BCAS3: variants seen among roughly 807,000 people sequenced by gnomAD.
BCAS3 encodes BCAS4/BCAS3 fusion.
A neutral mutation model predicts 116.1 loss-of-function variants in BCAS3; 53 were observed. The observed-to-expected ratio is 0.46, with a 90% CI of 0.37 to 0.57. BCAS3 has a LOEUF of 0.57. Ranked by LOEUF, BCAS3 falls within the 20% of genes least tolerant of loss-of-function variation. The pLI, the probability that BCAS3 is intolerant of heterozygous loss-of-function variation, is 0.00. For synonymous variants in BCAS3, 391 were observed against 408.2 expected (o/e 0.96, Z 0.51); for missense variants, 917 against 1,165.4 (o/e 0.79, Z 3.10).
chr17:60,902,720 T>C lies in BCAS3; in HGVS notation c.822+17T>C. 1.3e-6 allele frequency: 2 copies of C among 1,552,746 alleles called. No homozygotes were observed. Among genetic ancestry groups the C allele is most frequent in the South Asian group, 1.1e-5 (1 of 89,478 alleles). ...GCTGCTAAAGTGAGTACCTCCGAAATCTTGGAGAGTTGTGGTTATGTGTAG... is the reference window on the plus strand; with the variant it reads ...GCTGCTAAAGTGAGTACCTCCGAAACCTTGGAGAGTTGTGGTTATGTGTAG... On this transcript the variant is annotated intron_variant, in intron 11 of 23. Coordinates refer to ENST00000407086, the MANE Select transcript of BCAS3 (RefSeq NM_017679.5).
At chr17:60,936,006 C>A (rs963551910) in intron 13 of BCAS3, among the ~76,000 whole-genome samples, 11 of 151,898 alleles carry the variant, frequency 7.2e-5, no homozygotes, top group African/African-American at 1.9e-4. Flanking sequence ...ATCCCTCCCC[C>A]CTTCCCCCCA....
chr17:61,231,906 CAAAG>C (rs1465691176), intron 22 of BCAS3, among the ~76,000 whole-genome samples: 4 of 137,098 alleles, frequency 2.9e-5, no homozygotes, highest in Non-Finnish European at 6.3e-5. Flanking sequence ...AAGAAGGAAA[CAAAG>C]AAAGAAGGAA....
At chr17:61,059,061 A>ATTTTTTTTT (rs1665097071) in intron 19 of BCAS3, among the ~76,000 whole-genome samples, 2 of 35,834 alleles carry the variant, frequency 5.6e-5, no homozygotes, top group Non-Finnish European at 1.3e-4. Flanking sequence ...TTTTCTCCCC[A>ATTTTTTTTT]TCTTTTTTTT....
At chr17:60,975,766 A>G (rs1230769448) in intron 14 of BCAS3, among the ~76,000 whole-genome samples, 1 of 152,076 alleles carries the variant, frequency 6.6e-6, no homozygotes, top group Non-Finnish European at 1.5e-5. Flanking sequence ...TATTTTATAC[A>G]TTTCATATAA....
intron 23 of BCAS3, among the ~76,000 whole-genome samples, chr17:61,375,246 G>GTGTGTGTGTGCGCGCGCGCGCACA (rs150061118): frequency 1.9e-4 from 28 of 150,778 alleles, no homozygotes; most frequent in African/African-American, 7.0e-4. Context: ...GTGTGTGTGT[G>GTGTGTGTGTGCGCGCGCGCGCACA]TGTGTGTGTA....
intron 15 of BCAS3, among the ~76,000 whole-genome samples, chr17:61,014,634 G>A (rs1325808514): frequency 6.6e-6 from 1 of 151,816 alleles, no homozygotes; most frequent in Non-Finnish European, 1.5e-5. Flanking sequence ...GAAGTTCTAG[G>A]TAGGTCAGTG....
At chr17:60,996,250 C>T (rs577865766) in intron 15 of BCAS3, among the ~76,000 whole-genome samples, 12 of 152,130 alleles carry the variant, frequency 7.9e-5, no homozygotes, top group South Asian at 4.2e-4. Context: ...ACAGTCTGTA[C>T]GTGGACATGG....
intron 13 of BCAS3, among the ~76,000 whole-genome samples, chr17:60,928,150 T>C (rs1017868369): frequency 2.6e-5 from 4 of 152,144 alleles, no homozygotes; most frequent in African/African-American, 9.7e-5. Context: ...TCCCTATGCA[T>C]AGAGTCTGCT....
intron 7 of BCAS3, among the ~76,000 whole-genome samples, chr17:60,866,089 A>T (rs922734043): frequency 6.6e-6 from 1 of 152,108 alleles, no homozygotes; most frequent in Non-Finnish European, 1.5e-5. Flanking sequence ...GCATTCCTGC[A>T]ATAAAGTTCA....
chr17:61,287,296 T>C (rs985591725), intron 22 of BCAS3, among the ~76,000 whole-genome samples: 7 of 150,500 alleles, frequency 4.7e-5, no homozygotes, highest in African/African-American at 9.8e-5. Flanking sequence ...TAGAGATAAA[T>C]GAGAACCAAA....
In BCAS3 at chr17:61,065,571, A is replaced by G. The variant is rs1200986777; in HGVS notation, c.2030-9349A>G. ...AACTGCAAATTTCTCTGTTGCTAGA[A>G]AAAGGAATGTTGTTCCTCTAAATAA... On this transcript the variant is annotated intron_variant, in intron 19 of 23. Coordinates refer to ENST00000407086, the MANE Select transcript of BCAS3 (RefSeq NM_017679.5). The surrounding 1 kb of genome is among the most constrained non-coding windows in gnomAD (Gnocchi z 4.8). 1.3e-5 allele frequency among the ~76,000 whole-genome samples: 2 copies of G among 152,338 alleles called. No individual in the cohort carries two copies. The highest frequency in any genetic ancestry group is 3.8e-4 in the East Asian group (2 of 5,196).
intron 13 of BCAS3, among the ~76,000 whole-genome samples, chr17:60,925,258 A>G (rs1204645056): frequency 1.3e-5 from 2 of 152,038 alleles, no homozygotes; most frequent in South Asian, 2.1e-4. Flanking sequence ...CTGGATATCT[A>G]TCTGTTTAAC....
rs2067004015 is a variant in BCAS3, at chr17:61,036,039, C to T, written c.1762+1249C>T. ...GTAGTTATTATCTTTCTAATCCCTG[C>T]TTTGATCACCAGGGTCAATACCTAA... On this transcript the variant is annotated intron_variant, in intron 17 of 23. Coordinates refer to ENST00000407086, the MANE Select transcript of BCAS3 (RefSeq NM_017679.5). 2.0e-5 allele frequency among the ~76,000 whole-genome samples: 3 copies of T among 152,178 alleles called. 1 individual carries two copies. The South Asian group carries it at 6.2e-4, about 32-fold the overall frequency.
At chr17:61,322,862 G>A (rs1050515982) in intron 22 of BCAS3, among the ~76,000 whole-genome samples, 13 of 147,308 alleles carry the variant, frequency 8.8e-5, no homozygotes, top group Non-Finnish European at 4.5e-5. Flanking sequence ...GAGACAGAGA[G>A]AGAGAGAGAG....
In BCAS3 at chr17:61,343,540, T is replaced by G. The variant is rs1430182001; in HGVS notation, c.2426-24787T>G. 6.6e-6 allele frequency among the ~76,000 whole-genome samples: 1 copy of G among 152,228 alleles called. No individual in the cohort carries two copies. Among genetic ancestry groups the G allele is most frequent in the Non-Finnish European group, 1.5e-5 (1 of 68,036 alleles). ...GTCTGGAGTGGGCCTTGTAGCTCCA[T>G]GCATTTGAAAAACTCACTTGATGTG... On this transcript the variant is annotated intron_variant, in intron 22 of 23. Coordinates refer to ENST00000407086, the MANE Select transcript of BCAS3 (RefSeq NM_017679.5). This position sits in a 1 kb window ranked among gnomAD's most constrained non-coding sequence, Gnocchi z 5.5.
intron 22 of BCAS3, among the ~76,000 whole-genome samples, chr17:61,272,442 C>T (rs903088584): frequency 6.6e-6 from 1 of 151,540 alleles, no homozygotes; most frequent in African/African-American, 2.4e-5. Context: ...AGACCATCCT[C>T]AGGAACATGG....
intron 22 of BCAS3, among the ~76,000 whole-genome samples, chr17:61,260,044 A>G (rs140915774): frequency 1.4e-3 from 206 of 152,362 alleles, no homozygotes; most frequent in African/African-American, 4.9e-3. Flanking sequence ...TCTTATGCCC[A>G]TGTTACAGAT....
Position 61,181,425 on chromosome 17 carries a change from G to A in BCAS3, c.2425+96861G>A, listed in dbSNP as rs766376092. On this transcript the variant is annotated intron_variant, in intron 22 of 23. Coordinates refer to ENST00000407086, the MANE Select transcript of BCAS3 (RefSeq NM_017679.5). This position sits in a 1 kb window ranked among gnomAD's most constrained non-coding sequence, Gnocchi z 5.0. ...ACTGAGAAGTGATTTATTGCTGGAG[G>A]TGATATTATCTTTGAACCTTTGCTT... Among the ~76,000 whole-genome samples, 26 of 152,294 alleles carry A rather than the reference G, an allele frequency of 1.7e-4. No individual in the cohort carries two copies. Among genetic ancestry groups the A allele is most frequent in the Non-Finnish European group, 2.8e-4 (19 of 68,034 alleles).
intron 6 of BCAS3, among the ~76,000 whole-genome samples, chr17:60,747,504 A>G (rs2042107173): frequency 2.6e-5 from 4 of 152,142 alleles, no homozygotes; most frequent in Admixed American, 2.6e-4. Flanking sequence ...GTTTTGATTT[A>G]TCTTCATCCT....
Sources: allele counts gnomAD v4.1 joint callset (sites outside exome capture counted in the v4.1 genomes callset), GRCh38; gene constraint gnomAD v4.1.1; non-coding constraint Gnocchi (gnomAD v3.1); transcripts MANE v1.5; gene names NCBI Gene and HGNC (gene_info 2026-07-23, HGNC 2026-07-21).